The following RSF1 variants were observed in gnomAD, a reference collection of about 807,000 sequenced individuals.
RSF1 encodes the protein remodeling and spacing factor 1.
In RSF1, 13 loss-of-function variants were observed where a neutral mutation model predicts 145.2. That is an observed-to-expected ratio of 0.09 (90% CI 0.06 to 0.14). RSF1 has a LOEUF of 0.14. Ranked by LOEUF, RSF1 falls within the 10% of genes least tolerant of loss-of-function variation. RSF1 has a pLI of 1.00. For synonymous variants in RSF1, 577 were observed against 592.6 expected (o/e 0.97, Z 0.38); for missense variants, 1,517 against 1,718.2 (o/e 0.88, Z 2.07).
At chr11:77,708,144 G>A (rs964802938) in intron 5 of RSF1, among the ~76,000 whole-genome samples, 1 of 152,204 alleles carries the variant, frequency 6.6e-6, no homozygotes. Context: ...TCTTGGCCAG[G>A]CATGTTGGCT....
At chr11:77,806,887 T>A (rs1695965730) in intron 1 of RSF1, among the ~76,000 whole-genome samples, 1 of 152,100 alleles carries the variant, frequency 6.6e-6, no homozygotes, top group Non-Finnish European at 1.5e-5. Context: ...AAACAAGGGA[T>A]GAAGAGAAAA....
intron 5 of RSF1, among the ~76,000 whole-genome samples, chr11:77,724,041 G>A (rs1030931123): frequency 2.0e-5 from 3 of 152,010 alleles, no homozygotes; most frequent in Non-Finnish European, 4.4e-5. Flanking sequence ...AGACTTAAGA[G>A]TTTTCAAAGC....
the RSF1 span, chr11:77,830,119 A>T: frequency 6.6e-6 from 1 of 152,252 alleles, no homozygotes; most frequent in African/African-American, 2.4e-5. Context: ...ACAGAGCAAG[A>T]CCCTGTACCT....
chr11:77,690,321 A>T (rs1960120216), intron 9 of RSF1, among the ~76,000 whole-genome samples: 1 of 152,196 alleles, frequency 6.6e-6, no homozygotes, highest in Non-Finnish European at 1.5e-5. Flanking sequence ...CAAGGAGATG[A>T]CAAGGATAAC....
At chr11:77,679,147 A>G (rs1046747677) in intron 11 of RSF1, among the ~76,000 whole-genome samples, 1 of 152,256 alleles carries the variant, frequency 6.6e-6, no homozygotes, top group Non-Finnish European at 1.5e-5. Flanking sequence ...ATAAAACTTT[A>G]TGAGCATTAA....
chr11:77,756,295 T>C (rs1180905574), intron 2 of RSF1, among the ~76,000 whole-genome samples: 2 of 150,084 alleles, frequency 1.3e-5, no homozygotes, highest in Non-Finnish European at 3.0e-5. Context: ...GAGGCAGAGG[T>C]TGCAGTGAGC....
chr11:77,822,178 G>A (rs556658141), upstream of RSF1, among the ~76,000 whole-genome samples: 8 of 152,194 alleles, frequency 5.3e-5, no homozygotes, highest in Non-Finnish European at 1.2e-4. Context: ...GGTGGCTCAT[G>A]CCTGTAATCC....
chr11:77,804,879 T>G (rs980934399), intron 1 of RSF1, among the ~76,000 whole-genome samples: 2 of 152,304 alleles, frequency 1.3e-5, no homozygotes, highest in South Asian at 4.1e-4. Context: ...CAAGTCAAAT[T>G]ATATTTCTTC....
intron 1 of RSF1, among the ~76,000 whole-genome samples, chr11:77,781,224 G>A (rs1033205643): frequency 1.3e-5 from 2 of 151,880 alleles, no homozygotes; most frequent in Admixed American, 6.6e-5. Flanking sequence ...CCTCAGCCCC[G>A]AGTACCTGGG....
chr11:77,858,299 ATTCT>A, the RSF1 span, among the ~76,000 whole-genome samples: 1 of 91,556 alleles, frequency 1.1e-5, no homozygotes, highest in African/African-American at 4.2e-5. Context: ...CGTTTAAGCA[ATTCT>A]TTTTTTTTTT....
At chr11:77,797,063 C>T (rs529691866) in intron 1 of RSF1, among the ~76,000 whole-genome samples, 14 of 152,198 alleles carry the variant, frequency 9.2e-5, no homozygotes, top group Middle Eastern at 3.4e-3. Flanking sequence ...AGAATCAATA[C>T]CGTGAAAATG....
intron 5 of RSF1, among the ~76,000 whole-genome samples, chr11:77,703,777 G>A (rs911739762): frequency 6.7e-6 from 1 of 149,966 alleles, no homozygotes; most frequent in Non-Finnish European, 1.5e-5. Flanking sequence ...AGAGATGAGA[G>A]TAAAAAAAAA....
rs560412472 is a variant in RSF1 at position 77,683,836 on chromosome 11, A to G, written c.2956-17T>C. ...GTCTGGCTCCTTAAAAAATATGATA[A>G]TAAGCATAGAGGTTATTCCTTATGC... On this transcript the variant is annotated splice_polypyrimidine_tract_variant and intron_variant, in intron 10 of 15. Coordinates refer to ENST00000308488, the MANE Select transcript of RSF1 (RefSeq NM_016578.4). 2.0e-5 allele frequency: 31 copies of G among 1,570,450 alleles called. No individual in the cohort carries two copies. Among genetic ancestry groups the G allele is most frequent in the Middle Eastern group, 3.4e-4 (2 of 5,888 alleles).
intron 2 of RSF1, among the ~76,000 whole-genome samples, chr11:77,753,861 G>A (rs1038353225): frequency 6.6e-6 from 1 of 152,128 alleles, no homozygotes. Context: ...GCTCCACGTG[G>A]ACCTGCCAAT....
chr11:77,761,641 C>G (rs1948173161), intron 2 of RSF1, among the ~76,000 whole-genome samples: 3 of 152,068 alleles, frequency 2.0e-5, no homozygotes, highest in African/African-American at 7.2e-5. Flanking sequence ...TGAAATTGCT[C>G]ATTAATCAAT....
At chr11:77,846,126 G>C in the RSF1 span, among the ~76,000 whole-genome samples, 1 of 151,852 alleles carries the variant, frequency 6.6e-6, no homozygotes, top group African/African-American at 2.4e-5. Context: ...GTTCCTATGT[G>C]GTTCTATAAA....
In RSF1 at chr11:77,664,525, CT is replaced by C. The variant is rs1325315418; in HGVS notation, c.*2391del. On this transcript the variant is annotated 3_prime_UTR_variant, in exon 16 of 16. Coordinates refer to ENST00000308488, the MANE Select transcript of RSF1 (RefSeq NM_016578.4). ...GTTAAAATTATCTACCCATTTAATACTACTTCTGATCACTTGGCTTAACTGA... is the reference window on the plus strand; with the variant it reads ...GTTAAAATTATCTACCCATTTAATACACTTCTGATCACTTGGCTTAACTGA... The C allele has an allele frequency of 6.6e-6, 1 of 152,188 alleles. No homozygotes were observed. The highest frequency in any genetic ancestry group is 2.4e-5 in the African/African-American group (1 of 41,446). The allele number at this position is 152,188 out of a possible 1,614,324, so 9.4% of individuals were successfully genotyped here.
chr11:77,805,405 C>T (rs191955486), intron 1 of RSF1, among the ~76,000 whole-genome samples: 44 of 151,784 alleles, frequency 2.9e-4, no homozygotes, highest in African/African-American at 9.9e-4. Context: ...CACACCACTA[C>T]ACTCCAGCCT....
intron 2 of RSF1, 140 bp from the exon 3 acceptor site, chr11:77,747,268 T>C: frequency 1.9e-6 from 1 of 536,096 alleles, no homozygotes; most frequent in Non-Finnish European, 3.4e-6. Context: ...AACTGCACCC[T>C]AAAATGCATA....
Sources: allele counts gnomAD v4.1 joint callset (sites outside exome capture counted in the v4.1 genomes callset), GRCh38; gene constraint gnomAD v4.1.1; transcripts MANE v1.5; gene names NCBI Gene and HGNC (gene_info 2026-07-23, HGNC 2026-07-21).